The following NEDD4 variants were observed in gnomAD, a reference collection of about 807,000 sequenced individuals.
NEDD4 encodes NEDD4 E3 ubiquitin protein ligase.
Under a neutral mutation model 144.9 loss-of-function variants are expected in NEDD4, and 99 were observed. That is an observed-to-expected ratio of 0.68 (90% CI 0.58 to 0.81). NEDD4 has a LOEUF of 0.81. Ranked by LOEUF, NEDD4 falls within the 30% of genes least tolerant of loss-of-function variation. The pLI is 0.00. For synonymous variants in NEDD4, 318 were observed against 350.6 expected, an observed-to-expected ratio of 0.91 and a Z score of 1.04; for missense variants, 985 against 1,065.9, an observed-to-expected ratio of 0.92 and a Z score of 1.06.
intron 1 of NEDD4, among the ~76,000 whole-genome samples, chr15:55,988,487 T>TAAAAAAAAAAAAAAAAAAA (rs56688563): frequency 1.2e-4 from 12 of 101,698 alleles, no homozygotes; most frequent in African/African-American, 2.1e-4. Context: ...AAAAAAAAAT[T>TAAAAAAAAAAAAAAAAAAA]AAAAAAAAAA....
intron 4 of NEDD4, among the ~76,000 whole-genome samples, chr15:55,944,491 A>C (rs1414914270): frequency 6.6e-6 from 1 of 152,206 alleles, no homozygotes; most frequent in East Asian, 1.9e-4. Context: ...CGGGAAGCTG[A>C]AACTAGGCAG....
chr15:55,924,983 G>T (rs1457492218), intron 4 of NEDD4, among the ~76,000 whole-genome samples: 1 of 152,208 alleles, frequency 6.6e-6, no homozygotes, highest in African/African-American at 2.4e-5. Flanking sequence ...CAGGAAAATC[G>T]CTTCAACCTG....
chr15:55,963,136 T>A (rs1176873891), intron 2 of NEDD4, among the ~76,000 whole-genome samples: 48 of 107,322 alleles, frequency 4.5e-4, no homozygotes, highest in African/African-American at 3.2e-5. Flanking sequence ...CTCTTTTTTA[T>A]TTTTTTTTTT....
At chr15:55,967,826 G>A (rs1271994542) in intron 1 of NEDD4, among the ~76,000 whole-genome samples, 1 of 151,998 alleles carries the variant, frequency 6.6e-6, no homozygotes, top group African/African-American at 2.4e-5. Context: ...TTCAAGACCA[G>A]CATAGGCAAT....
rs775909553 is a variant in NEDD4 at position 55,951,510 on chromosome 15, C to T, written c.198+1G>A. The T allele has an allele frequency of 6.6e-7, 1 of 1,522,750 alleles. No individual in the cohort carries two copies. Among genetic ancestry groups the T allele is most frequent in the South Asian group, 1.3e-5 (1 of 77,074 alleles). The allele number at this position is 1,522,750 out of a possible 1,614,324, so 94.3% of individuals were successfully genotyped here. A position where few individuals can be genotyped will look rare whatever the true frequency, so the allele number is the denominator to read the frequency against. Reference sequence around the variant, plus strand: ...AACTTTTGAATATTGCTAAGTCTAACCTTTTTAATGGTTTTTGTTTGCACA... The same window carrying T: ...AACTTTTGAATATTGCTAAGTCTAATCTTTTTAATGGTTTTTGTTTGCACA... On this transcript the variant is annotated splice_donor_variant, in intron 3 of 28. Transcript: ENST00000435532. LOFTEE classifies it high-confidence loss of function.
At chr15:55,885,954 C>T (rs1422749182) in intron 5 of NEDD4, among the ~76,000 whole-genome samples, 2 of 150,716 alleles carry the variant, frequency 1.3e-5, no homozygotes, top group Non-Finnish European at 3.0e-5. Flanking sequence ...CTGTTGTCTA[C>T]AAGAAACACA....
intron 4 of NEDD4, among the ~76,000 whole-genome samples, chr15:55,949,848 G>A (rs34162982): frequency 0.069 from 10,451 of 152,064 alleles, 473 homozygotes; most frequent in Non-Finnish European, 0.1. Context: ...TATACCTAAT[G>A]TAAATGACAA....
intron 8 of NEDD4, among the ~76,000 whole-genome samples, chr15:55,863,812 C>T (rs1464111822): frequency 1.3e-5 from 2 of 152,078 alleles, no homozygotes; most frequent in African/African-American, 4.8e-5. Context: ...CTATCTGACA[C>T]ATGGAAAAAA....
At chr15:55,949,248 G>T (rs1389869165) in intron 4 of NEDD4, among the ~76,000 whole-genome samples, 1 of 152,150 alleles carries the variant, frequency 6.6e-6, no homozygotes, top group Non-Finnish European at 1.5e-5. Context: ...AAACCACAAT[G>T]AGATACCATC....
intron 5 of NEDD4, 117 bp from the exon 6 acceptor site, chr15:55,874,125 A>T (rs2034907351): frequency 1.9e-6 from 1 of 514,430 alleles, no homozygotes; most frequent in African/African-American, 1.9e-5. Flanking sequence ...ATTCAGTCAT[A>T]TGCAGCATCA....
intron 1 of NEDD4, among the ~76,000 whole-genome samples, chr15:55,980,629 G>C (rs972408778): frequency 6.6e-6 from 1 of 152,078 alleles, no homozygotes; most frequent in African/African-American, 2.4e-5. Context: ...AAAAGAGATC[G>C]AGTGAATTCT....
At chr15:55,830,070 A>G (rs1289446109) in intron 28 of NEDD4, 71 bp from the exon 29 acceptor site, 12 of 1,026,794 alleles carry the variant, frequency 1.2e-5, no homozygotes, top group Non-Finnish European at 1.8e-5. Flanking sequence ...AAACAGAGCA[A>G]TGCTGCTATT....
At chr15:55,981,957 A>G in intron 1 of NEDD4, among the ~76,000 whole-genome samples, 1 of 152,200 alleles carries the variant, frequency 6.6e-6, no homozygotes, top group East Asian at 1.9e-4. Flanking sequence ...AGAAAGAACA[A>G]CTCATCATTA....
At chr15:55,940,524 C>CCTCCCCCT in intron 4 of NEDD4, among the ~76,000 whole-genome samples, 3 of 124,538 alleles carry the variant, frequency 2.4e-5, no homozygotes, top group Admixed American at 7.9e-5. Context: ...CCCCTTCTCT[C>CCTCCCCCT]TCTCTCTCTC....
At position 55,863,026 on chromosome 15, in the gene NEDD4, T is replaced by C. The variant is rs2034463101; in HGVS notation, c.561A>G (p.Gln187=). 1.2e-6 allele frequency: 2 copies of C among 1,604,748 alleles called. No individual in the cohort carries two copies. The highest frequency in any genetic ancestry group is 8.5e-7 in the Non-Finnish European group (1 of 1,173,876). ...QPDAACHLQQ[Q]QEPSPLPPGW... ...CTGGAGGTAGAGGAGAAGGTTCTTG[T>C]TGTTGCTGCAAATGGCAAGCAGCAT... Residue 187 remains glutamine, a synonymous_variant, in exon 9 of 29, where the codon CAA becomes CAG. Coordinates refer to ENST00000435532, the MANE Select transcript of NEDD4 (RefSeq NM_006154.4).
At chr15:55,876,009 A>G (rs1404868652) in intron 5 of NEDD4, among the ~76,000 whole-genome samples, 1 of 152,242 alleles carries the variant, frequency 6.6e-6, no homozygotes, top group Non-Finnish European at 1.5e-5. Context: ...TCTTGAAAGC[A>G]GCCTAAAATA....
chr15:55,939,775 A>T (rs1379051142), intron 4 of NEDD4, among the ~76,000 whole-genome samples: 3 of 152,172 alleles, frequency 2.0e-5, no homozygotes, highest in African/African-American at 7.2e-5. Flanking sequence ...CTCTACAGAA[A>T]ATAGTATAGC....
chr15:55,937,726 A>G (rs1399566092), intron 4 of NEDD4, among the ~76,000 whole-genome samples: 1 of 152,206 alleles, frequency 6.6e-6, no homozygotes, highest in Non-Finnish European at 1.5e-5. Flanking sequence ...AGAACTTAAT[A>G]TTGTTAAAAT....
At chr15:55,887,750 C>T (rs771092081) in intron 5 of NEDD4, among the ~76,000 whole-genome samples, 2 of 152,012 alleles carry the variant, frequency 1.3e-5, no homozygotes, top group African/African-American at 4.8e-5. Flanking sequence ...ACTAGCAAAC[C>T]GAATTCAACA....
Sources: gnomAD v4.1 joint callset for allele counts (sites outside exome capture counted in the v4.1 genomes callset) on GRCh38, gnomAD v4.1.1 for gene constraint, MANE v1.5 for transcripts, NCBI Gene and HGNC (gene_info 2026-07-23, HGNC 2026-07-21) for gene names.